SKAP1: variants seen among roughly 807,000 people sequenced by gnomAD.
The protein encoded by SKAP1 is src kinase-associated phosphoprotein 1.
SKAP1 carries 44 observed loss-of-function variants against 58.5 expected under a neutral mutation model. That is an observed-to-expected ratio of 0.75 (90% CI 0.59 to 0.97). The LOEUF (loss-of-function observed/expected upper bound fraction) is 0.97, where lower values mean the gene tolerates loss of function less well. SKAP1 is among the 50% of genes least tolerant of loss of function. The pLI is 0.00. For missense variants in SKAP1, 390 were observed against 435.2 expected (o/e 0.90, Z 0.92); for synonymous variants, 127 against 149.7 (o/e 0.85, Z 1.11).
At chr17:48,159,712 T>C (rs1379877999) in intron 11 of SKAP1, among the ~76,000 whole-genome samples, 2 of 152,248 alleles carry the variant, frequency 1.3e-5, no homozygotes, top group Non-Finnish European at 2.9e-5. Flanking sequence ...AATCTCGTTT[T>C]CTATCTGTTT....
intron 4 of SKAP1, among the ~76,000 whole-genome samples, chr17:48,266,172 C>T (rs2065547039): frequency 6.6e-6 from 1 of 152,004 alleles, no homozygotes; most frequent in Admixed American, 6.6e-5. Context: ...ACACACTAGC[C>T]TAGTCTATTC....
chr17:48,387,874 G>C (rs892729484), intron 2 of SKAP1, among the ~76,000 whole-genome samples: 15 of 152,000 alleles, frequency 9.9e-5, no homozygotes, highest in African/African-American at 3.4e-4. Context: ...TGTTCGAATT[G>C]AATTTTAGCT....
intron 4 of SKAP1, among the ~76,000 whole-genome samples, chr17:48,261,761 T>C (rs1203404262): frequency 1.3e-5 from 2 of 152,248 alleles, no homozygotes; most frequent in African/African-American, 4.8e-5. Context: ...GTCGTTGTTT[T>C]CTACCCTTTC....
chr17:48,144,455 C>T (rs563382260), intron 11 of SKAP1, among the ~76,000 whole-genome samples: 21 of 152,104 alleles, frequency 1.4e-4, no homozygotes, highest in Admixed American at 2.6e-4. Context: ...GAGATCCGGC[C>T]GAGAACTATC....
intron 4 of SKAP1, among the ~76,000 whole-genome samples, chr17:48,343,308 A>C (rs1490795399): frequency 6.6e-6 from 1 of 152,288 alleles, no homozygotes; most frequent in East Asian, 1.9e-4. Flanking sequence ...GATTGCTAAA[A>C]ATTTTGACAC....
chr17:48,397,399 G>T (rs972362132), intron 1 of SKAP1, among the ~76,000 whole-genome samples: 1 of 152,080 alleles, frequency 6.6e-6, no homozygotes, highest in Non-Finnish European at 1.5e-5. Context: ...CTAATTTTTC[G>T]TATTTTAGTA....
At chr17:48,144,008 C>T (rs2063799145) in intron 11 of SKAP1, among the ~76,000 whole-genome samples, 1 of 152,228 alleles carries the variant, frequency 6.6e-6, no homozygotes, top group African/African-American at 2.4e-5. Flanking sequence ...TCTGTCTGCT[C>T]TTGCTCCAGG....
rs148123439 is a variant in SKAP1, at chr17:48,140,468, A to G, written c.979-3131T>C. ...CTCTTCTGTCTTGATGCGCTTTACT[A>G]GAGCAATCCCATATATCTCTGTAGA... On this transcript the variant is annotated intron_variant, in intron 11 of 12. Coordinates refer to ENST00000336915, the MANE Select transcript of SKAP1 (RefSeq NM_003726.4). Among the ~76,000 whole-genome samples the G allele has an allele frequency of 2.4e-3, 361 of 152,174 alleles. 3 individuals are homozygous for G. Among genetic ancestry groups the G allele is most frequent in the African/African-American group, 8.5e-3 (352 of 41,508 alleles).
At chr17:48,156,158 A>G (rs1203745059) in intron 11 of SKAP1, among the ~76,000 whole-genome samples, 1 of 152,196 alleles carries the variant, frequency 6.6e-6, no homozygotes, top group Non-Finnish European at 1.5e-5. Context: ...ATGGATTTTT[A>G]TATTAGCTCC....
chr17:48,347,475 C>T (rs945924846), intron 3 of SKAP1, among the ~76,000 whole-genome samples: 1 of 152,058 alleles, frequency 6.6e-6, no homozygotes, highest in Admixed American at 6.5e-5. Flanking sequence ...TTTCTCTTTC[C>T]ATAAATTAGA....
chr17:48,158,566 T>TCAAA (rs2064021053), intron 11 of SKAP1, among the ~76,000 whole-genome samples: 1 of 3,188 alleles, frequency 3.1e-4, no homozygotes, highest in African/African-American at 1.1e-3. Flanking sequence ...AGACTCTGTC[T>TCAAA]CAAAAAAAAA....
intron 4 of SKAP1, among the ~76,000 whole-genome samples, chr17:48,337,899 G>C (rs2066595185): frequency 6.6e-6 from 1 of 152,160 alleles, no homozygotes. Flanking sequence ...TGTAAGCCAG[G>C]AGAGGTCACT....
intron 1 of SKAP1, among the ~76,000 whole-genome samples, chr17:48,402,949 T>G (rs995970089): frequency 5.9e-5 from 9 of 152,152 alleles, no homozygotes; most frequent in African/African-American, 1.7e-4. Flanking sequence ...AGGTTTTCTT[T>G]CGGTGTAATG....
At chr17:48,326,759 A>G (rs2066442018) in intron 4 of SKAP1, among the ~76,000 whole-genome samples, 1 of 152,158 alleles carries the variant, frequency 6.6e-6, no homozygotes, top group African/African-American at 2.4e-5. Flanking sequence ...AGAACTTTAA[A>G]CTTGAGTATT....
intron 4 of SKAP1, among the ~76,000 whole-genome samples, chr17:48,214,434 TTTC>T (rs1455696028): frequency 2.0e-5 from 3 of 152,182 alleles, no homozygotes; most frequent in Non-Finnish European, 4.4e-5. Context: ...CTTCTGATTG[TTTC>T]TTCTTCTTTA....
At chr17:48,187,988 A>G (rs1171451400) in intron 5 of SKAP1, 62 bp from the exon 6 acceptor site, 1 of 1,223,046 alleles carries the variant, frequency 8.2e-7, no homozygotes, top group African/African-American at 1.5e-5. Context: ...AGAGTCTGTA[A>G]AATCCAACAA....
chr17:48,206,628 T>C (rs570987962), intron 4 of SKAP1, among the ~76,000 whole-genome samples: 1 of 152,002 alleles, frequency 6.6e-6, no homozygotes, highest in Non-Finnish European at 1.5e-5. Context: ...GAATGCTGAC[T>C]CCTCCCCTAT....
At chr17:48,283,275 A>C (rs2065790451) in intron 4 of SKAP1, among the ~76,000 whole-genome samples, 1 of 152,248 alleles carries the variant, frequency 6.6e-6, no homozygotes, top group African/African-American at 2.4e-5. Flanking sequence ...CTAAGGGAAG[A>C]CATGTTTAAA....
intron 12 of SKAP1, among the ~76,000 whole-genome samples, chr17:48,135,738 TG>T (rs1225633208): frequency 6.6e-6 from 1 of 152,168 alleles, no homozygotes; most frequent in East Asian, 1.9e-4. Flanking sequence ...CCTGAAGTGT[TG>T]GGATTACAGG....
Sources: allele counts gnomAD v4.1 joint callset (sites outside exome capture counted in the v4.1 genomes callset), GRCh38; gene constraint gnomAD v4.1.1; transcripts MANE v1.5; gene names NCBI Gene and HGNC (gene_info 2026-07-23, HGNC 2026-07-21).